The following BICD1 variants were observed in gnomAD, a reference collection of about 807,000 sequenced individuals.
The protein encoded by BICD1 is protein bicaudal D homolog 1.
BICD1 carries 35 observed loss-of-function variants against 92.5 expected under a neutral mutation model. That is an observed-to-expected ratio of 0.38 (90% CI 0.29 to 0.50). The LOEUF (loss-of-function observed/expected upper bound fraction) is 0.50. Ranked by LOEUF, BICD1 falls within the 20% of genes least tolerant of loss-of-function variation. The pLI is 0.93. For missense variants in BICD1, 950 were observed against 1,189.8 expected (o/e 0.80, Z 2.97); for synonymous variants, 429 against 465.1 (o/e 0.92, Z 1.00).
chr12:32,197,964 G>C (rs1466832146), intron 1 of BICD1, among the ~76,000 whole-genome samples: 1 of 152,096 alleles, frequency 6.6e-6, no homozygotes, highest in Non-Finnish European at 1.5e-5. Flanking sequence ...CCAGCATTTT[G>C]GGAGGCCAAG....
chr12:32,157,884 GT>G lies in BICD1; in HGVS notation c.213+50343del, dbSNP rs536813853. Among the ~76,000 whole-genome samples the G allele has an allele frequency of 2.9e-3, 438 of 152,258 alleles. 1 individual carries two copies. Among genetic ancestry groups the G allele is most frequent in the African/African-American group, 0.01 (426 of 41,552 alleles). On this transcript the variant is annotated intron_variant, in intron 1 of 9. Transcript: ENST00000652176. Reference sequence around the variant, plus strand: ...TGTGGTCTTTGGAATTTGACTGCCTGTTTAGGTCCTGGCTCCCCACTATTAG... The same window carrying G: ...TGTGGTCTTTGGAATTTGACTGCCTGTTAGGTCCTGGCTCCCCACTATTAG...
At position 32,209,798 on chromosome 12, in the gene BICD1, C is replaced by G. The variant is rs527687845; in HGVS notation, c.214-6449C>G. ...AAAGGTCACCTCTTCCCTGACTGCC[C>G]TTTCTATATGAGGTTCCCACCGAAC... On this transcript the variant is annotated intron_variant, in intron 1 of 9. Coordinates refer to ENST00000652176, the MANE Select transcript of BICD1 (RefSeq NM_001714.4). 6.6e-5 allele frequency among the ~76,000 whole-genome samples: 10 copies of G among 152,292 alleles called. No homozygotes were observed. The South Asian group carries it at 1.9e-3, about 28-fold the overall frequency.
intron 1 of BICD1, among the ~76,000 whole-genome samples, chr12:32,207,933 A>G (rs781329424): frequency 6.6e-6 from 1 of 152,218 alleles, no homozygotes; most frequent in Non-Finnish European, 1.5e-5. Flanking sequence ...ATTCTTGGAT[A>G]AGTCCAAGGA....
intron 2 of BICD1, among the ~76,000 whole-genome samples, chr12:32,269,991 A>G (rs1429643929): frequency 6.6e-6 from 1 of 151,786 alleles, no homozygotes; most frequent in Admixed American, 6.6e-5. Context: ...GCGTGGTGGC[A>G]CGTACCTATA....
chr12:32,268,232 C>A (rs1947049794), intron 2 of BICD1, among the ~76,000 whole-genome samples: 1 of 152,164 alleles, frequency 6.6e-6, no homozygotes, highest in African/African-American at 2.4e-5. Flanking sequence ...TGAGTACAAC[C>A]AATGTCAACA....
In BICD1 at chr12:32,328,963, G is replaced by A. The variant is rs1236346998; in HGVS notation, c.2100+408G>A. On this transcript the variant is annotated intron_variant, in intron 5 of 9. Coordinates refer to ENST00000652176, the MANE Select transcript of BICD1 (RefSeq NM_001714.4). The surrounding 1 kb of genome is among the most constrained non-coding windows in gnomAD (Gnocchi z 4.4). ...CAGCAAGAAAGACAAACACCCAGCA[G>A]GCAGCTAGAGCAAACAGAGGGAAAT... 2.0e-5 allele frequency among the ~76,000 whole-genome samples: 3 copies of A among 152,144 alleles called. No individual in the cohort carries two copies. Among genetic ancestry groups the A allele is most frequent in the Non-Finnish European group, 4.4e-5 (3 of 68,038 alleles).
At chr12:32,285,277 A>G (rs1947532033) in intron 2 of BICD1, among the ~76,000 whole-genome samples, 1 of 152,144 alleles carries the variant, frequency 6.6e-6, no homozygotes, top group Admixed American at 6.5e-5. Context: ...AATTATCTGT[A>G]TGTCTAGCAT....
rs761698738 is a variant in BICD1, at chr12:32,377,606, C to T, written c.2907C>T (p.Leu969=). The part of the protein sequence containing the change: ...SSSQCAPLHC[L]SKPPHP The stretch of plus-strand genomic sequence containing the variant: ...CCCAGTGCGCCCCTCTCCACTGTCT[C>T]TCCAAGCCTCCTCACCCCTAGTCTT... Residue 969 remains leucine (L), a synonymous_variant, in exon 10 of 10, where the codon CTC becomes CTT. Coordinates refer to ENST00000652176, the MANE Select transcript of BICD1 (RefSeq NM_001714.4). The T allele has an allele frequency of 1.2e-6, 2 of 1,613,864 alleles. No homozygotes were observed. The highest frequency in any genetic ancestry group is 1.7e-5 in the Admixed American group (1 of 60,022).
intron 1 of BICD1, among the ~76,000 whole-genome samples, chr12:32,152,667 C>G (rs1427297887): frequency 6.6e-6 from 1 of 152,158 alleles, no homozygotes; most frequent in Non-Finnish European, 1.5e-5. Flanking sequence ...TGCTGAGGCC[C>G]AACCCTCAAA....
intron 8 of BICD1, chr12:32,339,472 T>A (rs1938275100): frequency 1.0e-6 from 1 of 985,484 alleles, no homozygotes; most frequent in African/African-American, 1.7e-5. Context: ...AAGATTTTGC[T>A]CCTCAAGAAC....
chr12:32,281,498 T>C (rs1444451313), intron 2 of BICD1, among the ~76,000 whole-genome samples: 1 of 152,206 alleles, frequency 6.6e-6, no homozygotes, highest in Non-Finnish European at 1.5e-5. Context: ...TCTCTGGCCC[T>C]CATTAATTGT....
rs1322603187 is a variant in BICD1 at position 32,337,263 on chromosome 12, AAAC to A, written c.2253-224_2253-222del. 6.6e-6 allele frequency among the ~76,000 whole-genome samples: 1 copy of A among 152,158 alleles called. No homozygotes were observed. Among genetic ancestry groups the A allele is most frequent in the South Asian group, 2.1e-4 (1 of 4,832 alleles). On this transcript the variant is annotated intron_variant, in intron 6 of 9. Transcript: ENST00000652176. This position sits in a 1 kb window ranked among gnomAD's most constrained non-coding sequence, Gnocchi z 4.7. ...CTCAGTCTCAAAAAACAAATAAACA[AAAC>A]AACAACAACAAAATAATAATAAATT...
intron 3 of BICD1, among the ~76,000 whole-genome samples, chr12:32,302,099 G>T (rs538554843): frequency 1.3e-5 from 2 of 152,006 alleles, no homozygotes; most frequent in African/African-American, 4.8e-5. Context: ...TGTTAGCTAG[G>T]ATGGTCTTGA....
intron 8 of BICD1, among the ~76,000 whole-genome samples, chr12:32,347,118 A>G (rs554677088): frequency 2.0e-5 from 3 of 150,928 alleles, no homozygotes; most frequent in South Asian, 2.1e-4. Context: ...TGCCTGGCTA[A>G]TTTTGTATTT....
chr12:32,171,636 A>T (rs1386157639), intron 1 of BICD1, among the ~76,000 whole-genome samples: 1 of 152,066 alleles, frequency 6.6e-6, no homozygotes, highest in Non-Finnish European at 1.5e-5. Flanking sequence ...ATTTATGTTT[A>T]AAAAATTATA....
At chr12:32,317,282 A>G (rs1180678406) in intron 4 of BICD1, among the ~76,000 whole-genome samples, 1 of 152,204 alleles carries the variant, frequency 6.6e-6, no homozygotes, top group Non-Finnish European at 1.5e-5. Context: ...GAATCGTCAC[A>G]CTGACTTCCA....
intron 1 of BICD1, among the ~76,000 whole-genome samples, chr12:32,142,884 A>G (rs949248197): frequency 6.6e-6 from 1 of 150,546 alleles, no homozygotes; most frequent in Non-Finnish European, 1.5e-5. Flanking sequence ...TTCATTGTGC[A>G]TTCAATTTGC....
intron 1 of BICD1, among the ~76,000 whole-genome samples, chr12:32,181,775 CAG>C (rs1434117349): frequency 6.6e-6 from 1 of 151,982 alleles, no homozygotes; most frequent in Admixed American, 6.6e-5. Flanking sequence ...ATCATTTTAA[CAG>C]AGAAAAACAC....
rs759328721 is a variant in BICD1 at position 32,182,278 on chromosome 12, C to CTTTTTTTTTTTTTTTTTTTTTTTTT, written c.214-33947_214-33946insTTTTTTTTTTTTTTTTTTTTTTTTT. ...TTCTTTTTTCTTTCTTTCTTTCTTT[C>CTTTTTTTTTTTTTTTTTTTTTTTTT]TTTTTTTTTTTTTTTTTTTTTTGAG... On this transcript the variant is annotated intron_variant, in intron 1 of 9. Transcript: ENST00000652176. 4.3e-4 allele frequency among the ~76,000 whole-genome samples: 35 copies of CTTTTTTTTTTTTTTTTTTTTTTTTT among 81,428 alleles called. 1 individual carries two copies. Among genetic ancestry groups the CTTTTTTTTTTTTTTTTTTTTTTTTT allele is most frequent in the South Asian group, 9.3e-4 (2 of 2,162 alleles). The allele number at this position is 81,428 out of a possible 152,430, so 53.4% of individuals were successfully genotyped here. A position where few individuals can be genotyped will look rare whatever the true frequency, so the allele number is the denominator to read the frequency against.
Sources: allele counts gnomAD v4.1 joint callset (sites outside exome capture counted in the v4.1 genomes callset), GRCh38; gene constraint gnomAD v4.1.1; non-coding constraint Gnocchi (gnomAD v3.1); transcripts MANE v1.5; gene names NCBI Gene and HGNC (gene_info 2026-07-23, HGNC 2026-07-21).